Variants in TLN2 observed in about 807,000 individuals in gnomAD.
TLN2 encodes the protein talin-2.
A neutral mutation model predicts 294.7 loss-of-function variants in TLN2; 118 were observed. That is an observed-to-expected ratio of 0.40 (90% CI 0.34 to 0.47). TLN2 has a LOEUF of 0.47. TLN2 is among the 20% of genes least tolerant of loss of function. The pLI is 0.84. For missense variants in TLN2, 3,083 were observed against 3,282.2 expected (o/e 0.94, Z 1.48); for synonymous variants, 1,431 against 1,304.5 (o/e 1.10, Z -2.09).
chr15:62,411,787 T>G (rs1415441816), intron 1 of TLN2, among the ~76,000 whole-genome samples: 1 of 152,094 alleles, frequency 6.6e-6, no homozygotes, highest in Non-Finnish European at 1.5e-5. Flanking sequence ...AGATTATTCA[T>G]CTCTCAAAAT....
intron 3 of TLN2, among the ~76,000 whole-genome samples, chr15:62,636,389 G>T (rs911621324): frequency 1.3e-5 from 2 of 152,202 alleles, no homozygotes; most frequent in African/African-American, 4.8e-5. Context: ...GTCTGTGACT[G>T]CTGGATTGGC....
At chr15:62,585,648 G>T (rs866559264) in intron 1 of TLN2, among the ~76,000 whole-genome samples, 2 of 152,140 alleles carry the variant, frequency 1.3e-5, no homozygotes, top group African/African-American at 4.8e-5. Flanking sequence ...CATGGGAGCT[G>T]CTAAATGATT....
chr15:62,595,027 A>G lies in TLN2; in HGVS notation c.-162+5265A>G, dbSNP rs905433487. 3.3e-5 allele frequency among the ~76,000 whole-genome samples: 5 copies of G among 152,234 alleles called. No homozygotes were observed. In the South Asian group the frequency reaches 1.0e-3, roughly 31 times the overall value. On this transcript the variant is annotated intron_variant, in intron 2 of 58. Transcript: ENST00000636159. ...AAAGAAGATACACAAATGGCCAACA[A>G]GTATATGAAAAAATACTCAACATCA...
chr15:62,677,108 A>C (rs1042504954), intron 11 of TLN2, among the ~76,000 whole-genome samples: 2 of 152,178 alleles, frequency 1.3e-5, no homozygotes, highest in African/African-American at 4.8e-5. Context: ...CCACCGTTCT[A>C]GCTTCCCATC....
Position 62,722,491 on chromosome 15 carries a change from A to C in TLN2, c.3126+4A>C. ...GCTGCGTACCGCCTCGCAGAAGGCA[A>C]GTGGAGCGTGTCATAGGGGTTAACT... On this transcript the variant is annotated splice_donor_region_variant and intron_variant, in intron 26 of 58. Coordinates refer to ENST00000636159, the MANE Select transcript of TLN2 (RefSeq NM_015059.3). 1 of 1,609,250 alleles carries C rather than the reference A, an allele frequency of 6.2e-7. No homozygotes were observed. Among genetic ancestry groups the C allele is most frequent in the Non-Finnish European group, 8.5e-7 (1 of 1,177,802 alleles).
intron 9 of TLN2, among the ~76,000 whole-genome samples, chr15:62,661,989 A>C (rs1315152566): frequency 6.6e-6 from 1 of 152,194 alleles, no homozygotes; most frequent in Non-Finnish European, 1.5e-5. Flanking sequence ...TATTGCAAAA[A>C]TTTCAGATAT....
At chr15:62,505,159 A>G (rs2039544353) in intron 1 of TLN2, among the ~76,000 whole-genome samples, 2 of 151,948 alleles carry the variant, frequency 1.3e-5, no homozygotes, top group Non-Finnish European at 2.9e-5. Context: ...GGGTTTCACC[A>G]TGTTGGCCAG....
intron 3 of TLN2, among the ~76,000 whole-genome samples, chr15:62,628,166 T>C (rs1466576038): frequency 1.3e-5 from 2 of 152,266 alleles, no homozygotes; most frequent in African/African-American, 4.8e-5. Context: ...AAATCTCATA[T>C]TGCAGTTACT....
chr15:62,495,887 C>T (rs1359018845), intron 1 of TLN2, among the ~76,000 whole-genome samples: 2 of 151,132 alleles, frequency 1.3e-5, no homozygotes, highest in African/African-American at 4.9e-5. Flanking sequence ...TGCATGTTGC[C>T]TTTTGGCTTC....
intron 1 of TLN2, among the ~76,000 whole-genome samples, chr15:62,547,940 A>G (rs1211819023): frequency 6.6e-6 from 1 of 152,192 alleles, no homozygotes; most frequent in Non-Finnish European, 1.5e-5. Flanking sequence ...GGAGGTCTAA[A>G]TCGCATTTTG....
At chr15:62,796,418 A>G in intron 47 of TLN2, 125 bp downstream of exon 47, 2 of 1,143,878 alleles carry the variant, frequency 1.7e-6, no homozygotes, top group African/African-American at 1.5e-5. Context: ...CAAGATGCAC[A>G]AGTTGGGAAA....
At chr15:62,777,007 C>G (rs367749985) in intron 43 of TLN2, 97 bp downstream of exon 43, 6 of 1,166,458 alleles carry the variant, frequency 5.1e-6, no homozygotes, top group South Asian at 3.6e-5. Flanking sequence ...AGCAACAAGC[C>G]TCTTCTTTTC....
intron 1 of TLN2, among the ~76,000 whole-genome samples, chr15:62,459,295 C>T (rs930375997): frequency 1.4e-4 from 15 of 110,122 alleles, no homozygotes; most frequent in South Asian, 3.9e-4. Context: ...CCACCACGCT[C>T]GGCCTTTTTT....
chr15:62,701,965 G>T (rs781627944), intron 17 of TLN2, 27 bp from the exon 18 acceptor site: 1 of 1,611,818 alleles, frequency 6.2e-7, no homozygotes, highest in Non-Finnish European at 8.5e-7. Flanking sequence ...GCCCTCCTTT[G>T]ATGGGGATGG....
intron 54 of TLN2, chr15:62,830,974 T>A (rs2068776250): frequency 6.6e-6 from 1 of 151,916 alleles, no homozygotes; most frequent in Admixed American, 6.6e-5. Context: ...ACAGTTGCCA[T>A]TACCAGAAAA....
At chr15:62,665,696 C>G (rs1280944731) in intron 9 of TLN2, among the ~76,000 whole-genome samples, 1 of 30,270 alleles carries the variant, frequency 3.3e-5, no homozygotes, top group Non-Finnish European at 2.3e-3. Flanking sequence ...AAATTTTCCC[C>G]CACAAACTCA....
At chr15:62,406,891 C>G (rs2033440215) in intron 1 of TLN2, among the ~76,000 whole-genome samples, 1 of 152,146 alleles carries the variant, frequency 6.6e-6, no homozygotes, top group African/African-American at 2.4e-5. Flanking sequence ...ACTTGATTCT[C>G]TCTGTAAAGA....
chr15:62,455,124 A>G (rs1214799209), intron 1 of TLN2, among the ~76,000 whole-genome samples: 2 of 152,150 alleles, frequency 1.3e-5, no homozygotes, highest in African/African-American at 4.8e-5. Flanking sequence ...ATTGTATTCA[A>G]TGGACTCCTC....
chr15:62,833,206 T>C, intron 54 of TLN2: 2 of 321,502 alleles, frequency 6.2e-6, no homozygotes, highest in Non-Finnish European at 1.2e-5. Context: ...GTACCACACA[T>C]ACAAAGAAAA....
Sources: allele counts gnomAD v4.1 joint callset (sites outside exome capture counted in the v4.1 genomes callset), GRCh38; gene constraint gnomAD v4.1.1; transcripts MANE v1.5; gene names NCBI Gene and HGNC (gene_info 2026-07-23, HGNC 2026-07-21).